The following C9orf57 variants were observed in gnomAD, a reference collection of about 807,000 sequenced individuals.
The protein encoded by C9orf57 is chromosome 9 open reading frame 57.
C9orf57 carries 12 observed loss-of-function variants against 12.9 expected under a neutral mutation model. That is an observed-to-expected ratio of 0.93 (90% CI 0.60 to 1.51). C9orf57 has a LOEUF of 1.51. C9orf57 is among the 40% of genes most tolerant of loss of function. The probability of loss-of-function intolerance (pLI) is 0.00; values close to 1 mark genes in which losing one functional copy is unlikely to be tolerated. For missense variants in C9orf57, 141 were observed against 162.8 expected (o/e 0.87, Z 0.73); for synonymous variants, 49 against 57.1 (o/e 0.86, Z 0.64).
At position 72,059,248 on chromosome 9, in the gene C9orf57, G is replaced by A. The variant is rs1048198132; in HGVS notation, c.84C>T (p.Phe28=). ...ILFRLLGVIL[F]GRLGDLGTCQ... Reference sequence around the variant, plus strand: ...CTAATGACTTACCACCTAAGCGGCCGAATAAGATAACACCTAAGAGGCGGA... The same window carrying A: ...CTAATGACTTACCACCTAAGCGGCCAAATAAGATAACACCTAAGAGGCGGA... The change falls in exon 2 of 5, where the codon TTC becomes TTT. Residue 28 remains phenylalanine (F), a synonymous_variant. Coordinates refer to ENST00000651200, the MANE Select transcript of C9orf57 (RefSeq NM_001128618.2). 34 of 1,550,748 alleles carry A rather than the reference G, an allele frequency of 2.2e-5. No individual in the cohort carries two copies. The highest frequency in any genetic ancestry group is 9.6e-5 in the African/African-American group (7 of 72,994).
intron 1 of C9orf57, among the ~76,000 whole-genome samples, chr9:72,059,799 G>T (rs374857935): frequency 6.6e-6 from 1 of 152,000 alleles, no homozygotes; most frequent in South Asian, 2.1e-4. Context: ...CTAGCCTGGG[G>T]GACAGAGCGA....
chr9:72,059,254 G>T lies in C9orf57; in HGVS notation c.78C>A (p.Ile26=). Residue 26 remains isoleucine, a synonymous_variant, in exon 2 of 5, where the codon ATC becomes ATA. Transcript: ENST00000651200. ...ACTTACCACCTAAGCGGCCGAATAA[G>T]ATAACACCTAAGAGGCGGAATAAGA... is the stretch of plus-strand genomic sequence containing the variant. ...GVILFRLLGV[I]LFGRLGDLGT... The T allele has an allele frequency of 6.4e-7, 1 of 1,550,942 alleles. No homozygotes were observed. Among genetic ancestry groups the T allele is most frequent in the Non-Finnish European group, 8.7e-7 (1 of 1,146,856 alleles).
chr9:72,052,514 A>T (rs1409771861), intron 4 of C9orf57, 79 bp from the exon 5 acceptor site: 3 of 1,342,474 alleles, frequency 2.2e-6, no homozygotes, highest in Non-Finnish European at 3.0e-6. Flanking sequence ...GGTTAAAAAG[A>T]ATACTAAGCA....
In C9orf57 at chr9:72,060,508, A is replaced by G. The variant is rs372723003; in HGVS notation, c.-65T>C. The stretch of plus-strand genomic sequence containing the variant: ...TGTTCATGACCTACCTATCTTTTTC[A>G]TTAAGGTACTATGGAAATTTTCCTG... On this transcript the variant is annotated 5_prime_UTR_variant, in exon 1 of 5. An upstream start codon of the reference 5' UTR is lost. Transcript: ENST00000651200. 2 of 1,501,056 alleles carry G rather than the reference A, an allele frequency of 1.3e-6. No individual in the cohort carries two copies. Among genetic ancestry groups the G allele is most frequent in the Non-Finnish European group, 1.8e-6 (2 of 1,101,278 alleles). The allele number at this position is 1,501,056 out of a possible 1,614,324, so 93.0% of individuals were successfully genotyped here.
In C9orf57 at chr9:72,059,477, A is replaced by T. The variant is rs1176009287; in HGVS notation, c.-53-93T>A. 5 of 1,383,562 alleles carry T rather than the reference A, an allele frequency of 3.6e-6. No homozygotes were observed. In the Admixed American group the frequency reaches 1.3e-4, roughly 37 times the overall value. 85.7% of individuals were successfully genotyped at this position (1,383,562 alleles called of 1,614,324 possible). ...TATTGATTTCATTAAGACAATATAA[A>T]TAAGTTTATTTTGTGAAGGAGGAAA... On this transcript the variant is annotated intron_variant, in intron 1 of 4. Transcript: ENST00000651200.
intron 4 of C9orf57, among the ~76,000 whole-genome samples, chr9:72,052,852 G>A (rs1033062452): frequency 6.6e-6 from 1 of 152,160 alleles, no homozygotes; most frequent in Non-Finnish European, 1.5e-5. Flanking sequence ...CAGAAATGGA[G>A]GTGTATGTAT....
intron 1 of C9orf57, among the ~76,000 whole-genome samples, chr9:72,059,650 G>A (rs28714974): frequency 0.02 from 3,069 of 152,116 alleles, 128 homozygotes; most frequent in African/African-American, 0.071. Context: ...GTGAAACCCC[G>A]TCTCTACTAA....
chr9:72,055,691 T>C (rs981952081), intron 4 of C9orf57, among the ~76,000 whole-genome samples: 1 of 152,182 alleles, frequency 6.6e-6, no homozygotes, highest in African/African-American at 2.4e-5. Context: ...TTCACAGGCA[T>C]GCAACTGGTG....
chr9:72,055,427 T>G (rs1190775260), intron 4 of C9orf57, among the ~76,000 whole-genome samples: 1 of 125,730 alleles, frequency 8.0e-6, no homozygotes, highest in African/African-American at 3.1e-5. Context: ...CTTCCTTCCT[T>G]CCTTCCTTCC....
chr9:72,056,258 A>C, intron 3 of C9orf57, 62 bp from the exon 4 acceptor site: 1 of 1,370,062 alleles, frequency 7.3e-7, no homozygotes, highest in African/African-American at 1.4e-5. Flanking sequence ...AAAACGAGGA[A>C]GGAAGAGAGA....
At chr9:72,053,420 T>C (rs1824121523) in intron 4 of C9orf57, among the ~76,000 whole-genome samples, 1 of 152,190 alleles carries the variant, frequency 6.6e-6, no homozygotes, top group South Asian at 2.1e-4. Flanking sequence ...CTTCGACCCA[T>C]CAAGAACTAT....
chr9:72,058,960 C>T lies in C9orf57; in HGVS notation c.97+275G>A, dbSNP rs567584326. Among the ~76,000 whole-genome samples the T allele has an allele frequency of 5.3e-5, 8 of 152,090 alleles. 1 individual carries two copies. Among genetic ancestry groups the T allele is most frequent in the Non-Finnish European group, 1.0e-4 (7 of 68,026 alleles). The stretch of plus-strand genomic sequence containing the variant: ...TGGCATGATCTTGGCTCATCGCAAC[C>T]TCTGCCTCCTGGGTTCAAGCAATTC... On this transcript the variant is annotated intron_variant, in intron 2 of 4. Coordinates refer to ENST00000651200, the MANE Select transcript of C9orf57 (RefSeq NM_001128618.2).
chr9:72,053,591 C>A (rs951041211), intron 4 of C9orf57, among the ~76,000 whole-genome samples: 2 of 152,114 alleles, frequency 1.3e-5, no homozygotes, highest in Non-Finnish European at 2.9e-5. Context: ...GTTTCCCATT[C>A]CATAAAGAAG....
intron 4 of C9orf57, among the ~76,000 whole-genome samples, chr9:72,055,142 G>A (rs1381431327): frequency 6.6e-6 from 1 of 150,832 alleles, no homozygotes; most frequent in African/African-American, 2.4e-5. Flanking sequence ...TCACCATGTT[G>A]CCCAGGTTGG....
At chr9:72,059,636 C>T (rs1230429054) in intron 1 of C9orf57, among the ~76,000 whole-genome samples, 1 of 152,288 alleles carries the variant, frequency 6.6e-6, no homozygotes, top group African/African-American at 2.4e-5. Flanking sequence ...GACTGCCCAA[C>T]ATGGTGAAAC....
chr9:72,052,398 C>T lies in C9orf57; in HGVS notation c.318G>A (p.Lys106=), dbSNP rs537122514. 3 of 1,552,210 alleles carry T rather than the reference C, an allele frequency of 1.9e-6. No individual in the cohort carries two copies. The highest frequency in any genetic ancestry group is 2.0e-5 in the Admixed American group (1 of 50,996). Residue 106 remains lysine (K), a synonymous_variant, in exon 5 of 5, where the codon AAG becomes AAA. Transcript: ENST00000651200. The stretch of plus-strand genomic sequence containing the variant: ...TACTCTTGAAGCACTCTGATGTGTT[C>T]TTTGTGCAGCCTTTGACTGAATACC... ...IQWYSVKGCT[K]NTSECFKSTL... is the part of the protein sequence containing the mutation.
intron 2 of C9orf57, among the ~76,000 whole-genome samples, chr9:72,058,224 A>C (rs1824248609): frequency 6.6e-6 from 1 of 152,062 alleles, no homozygotes; most frequent in South Asian, 2.1e-4. Context: ...GCAGTGGTGC[A>C]ATCTCATCTC....
chr9:72,054,104 T>C (rs901668338), intron 4 of C9orf57, among the ~76,000 whole-genome samples: 1 of 152,244 alleles, frequency 6.6e-6, no homozygotes, highest in Non-Finnish European at 1.5e-5. Context: ...GTTCAAGCGA[T>C]TCTCCTGCCT....
At chr9:72,054,445 G>A (rs1224378007) in intron 4 of C9orf57, among the ~76,000 whole-genome samples, 1 of 152,126 alleles carries the variant, frequency 6.6e-6, no homozygotes, top group African/African-American at 2.4e-5. Context: ...AAATTTTAAT[G>A]GAAATTCACA....
Sources: gnomAD v4.1 joint callset for allele counts (sites outside exome capture counted in the v4.1 genomes callset) on GRCh38, gnomAD v4.1.1 for gene constraint, MANE v1.5 for transcripts, NCBI Gene and HGNC (gene_info 2026-07-23, HGNC 2026-07-21) for gene names.